The following LRMDA variants were observed in gnomAD, a reference collection of about 807,000 sequenced individuals.
The protein encoded by LRMDA is leucine-rich melanocyte differentiation-associated protein.
Under a neutral mutation model 29.8 loss-of-function variants are expected in LRMDA, and 18 were observed. The ratio of observed to expected loss-of-function variants is 0.60; its 90% CI spans 0.42 to 0.90. The LOEUF (loss-of-function observed/expected upper bound fraction) is 0.90. Ranked by LOEUF, LRMDA falls within the 40% of genes least tolerant of loss-of-function variation. LRMDA has a pLI of 0.00. For missense variants in LRMDA, 273 were observed against 273.9 expected (o/e 1.00, Z 0.02); for synonymous variants, 125 against 109.4 (o/e 1.14, Z -0.89).
chr10:75,882,160 TGAAG>T (rs1845305199), intron 2 of LRMDA, among the ~76,000 whole-genome samples: 1 of 152,154 alleles, frequency 6.6e-6, no homozygotes, highest in South Asian at 2.1e-4. Context: ...GAGTGGTTGT[TGAAG>T]GAAGACGGGC....
chr10:76,472,219 G>A (rs1201688109), intron 6 of LRMDA, among the ~76,000 whole-genome samples: 2 of 151,766 alleles, frequency 1.3e-5, no homozygotes, highest in African/African-American at 4.8e-5. Flanking sequence ...CATGCAGAGT[G>A]TGTTCTCTGA....
chr10:76,005,753 A>C (rs2132473492), intron 2 of LRMDA, among the ~76,000 whole-genome samples: 1 of 152,222 alleles, frequency 6.6e-6, no homozygotes, highest in African/African-American at 2.4e-5. Flanking sequence ...ACACAGTGAA[A>C]CCCAGTCTCT....
intron 2 of LRMDA, among the ~76,000 whole-genome samples, chr10:75,536,594 C>A (rs985675895): frequency 6.6e-6 from 1 of 152,158 alleles, no homozygotes; most frequent in Non-Finnish European, 1.5e-5. Flanking sequence ...GATGGAGCCT[C>A]ACTCTGCTGC....
At chr10:76,084,864 T>C (rs1435498124) in intron 5 of LRMDA, among the ~76,000 whole-genome samples, 2 of 152,122 alleles carry the variant, frequency 1.3e-5, no homozygotes, top group Admixed American at 1.3e-4. Context: ...ATAGCAGGGG[T>C]GGGACTACAA....
At chr10:75,455,090 GA>G (rs1844500200) in intron 2 of LRMDA, among the ~76,000 whole-genome samples, 1 of 152,186 alleles carries the variant, frequency 6.6e-6, no homozygotes, top group South Asian at 2.1e-4. Context: ...GGTACAACGG[GA>G]CCCCTCCTTG....
intron 2 of LRMDA, among the ~76,000 whole-genome samples, chr10:75,773,786 C>G (rs1843274133): frequency 1.3e-5 from 2 of 152,234 alleles, no homozygotes; most frequent in South Asian, 4.1e-4. Flanking sequence ...ATTCTAGCTC[C>G]TAATGGAGCT....
At chr10:75,982,544 G>T (rs541996427) in intron 2 of LRMDA, among the ~76,000 whole-genome samples, 6 of 152,268 alleles carry the variant, frequency 3.9e-5, no homozygotes, top group East Asian at 3.9e-4. Flanking sequence ...TCTGTGAATT[G>T]GTTGGGTGGC....
intron 2 of LRMDA, among the ~76,000 whole-genome samples, chr10:75,526,293 A>G (rs1354859156): frequency 6.6e-6 from 1 of 151,934 alleles, no homozygotes; most frequent in African/African-American, 2.4e-5. Context: ...TCAAACTCCT[A>G]GCCTCCAGCA....
intron 5 of LRMDA, among the ~76,000 whole-genome samples, chr10:76,073,070 T>C (rs1848900075): frequency 6.6e-6 from 1 of 152,222 alleles, no homozygotes; most frequent in Non-Finnish European, 1.5e-5. Flanking sequence ...CTGAATTCCC[T>C]AAAATGGAAG....
intron 2 of LRMDA, among the ~76,000 whole-genome samples, chr10:75,790,153 A>C (rs1037677369): frequency 6.6e-6 from 1 of 152,118 alleles, no homozygotes. Context: ...TTGGCTGGAT[A>C]ATTCTGTGTT....
intron 5 of LRMDA, among the ~76,000 whole-genome samples, chr10:76,073,129 A>C (rs1428938638): frequency 2.6e-5 from 4 of 152,220 alleles, no homozygotes; most frequent in Admixed American, 1.3e-4. Flanking sequence ...GCACAGACAT[A>C]TGTGTGGTTA....
At chr10:75,801,885 A>G (rs1843749366) in intron 2 of LRMDA, among the ~76,000 whole-genome samples, 2 of 152,208 alleles carry the variant, frequency 1.3e-5, no homozygotes. Context: ...ATGATGATTG[A>G]TCTGGGTCAA....
intron 6 of LRMDA, among the ~76,000 whole-genome samples, chr10:76,343,205 T>C (rs1841062665): frequency 6.6e-6 from 1 of 152,196 alleles, no homozygotes; most frequent in Non-Finnish European, 1.5e-5. Context: ...ACTTTACTCT[T>C]ACAGAAGTAT....
At chr10:76,083,335 G>A (rs73281592) in intron 5 of LRMDA, among the ~76,000 whole-genome samples, 46 of 152,166 alleles carry the variant, frequency 3.0e-4, no homozygotes, top group African/African-American at 1.0e-3. Context: ...GGCCCATCTC[G>A]TCCCAGAACC....
intron 2 of LRMDA, among the ~76,000 whole-genome samples, chr10:76,013,387 G>C (rs1847820042): frequency 6.6e-6 from 1 of 151,872 alleles, no homozygotes; most frequent in East Asian, 1.9e-4. Flanking sequence ...TGGGGCTTCT[G>C]ATGGTAGACT....
chr10:76,401,301 A>C (rs1458177697), intron 6 of LRMDA, among the ~76,000 whole-genome samples: 1 of 152,138 alleles, frequency 6.6e-6, no homozygotes, highest in Admixed American at 6.5e-5. Flanking sequence ...GGTTTGTGGA[A>C]CTATTCGTTT....
chr10:75,973,703 A>C (rs1158935691), intron 2 of LRMDA, among the ~76,000 whole-genome samples: 1 of 152,154 alleles, frequency 6.6e-6, no homozygotes, highest in East Asian at 1.9e-4. Context: ...TACAGGTGTG[A>C]GCCATCATGC....
intron 2 of LRMDA, among the ~76,000 whole-genome samples, chr10:75,654,060 G>T (rs1841636450): frequency 6.7e-6 from 1 of 148,474 alleles, no homozygotes; most frequent in South Asian, 2.1e-4. Flanking sequence ...TCGTGATCAG[G>T]CACTGCCCCT....
intron 6 of LRMDA, among the ~76,000 whole-genome samples, chr10:76,536,686 A>G (rs1843294602): frequency 6.6e-6 from 1 of 152,134 alleles, no homozygotes; most frequent in Non-Finnish European, 1.5e-5. Context: ...TTACTGCATC[A>G]TGTTATGAGG....
Sources: gnomAD v4.1 joint callset for allele counts (sites outside exome capture counted in the v4.1 genomes callset) on GRCh38, gnomAD v4.1.1 for gene constraint, MANE v1.5 for transcripts, NCBI Gene and HGNC (gene_info 2026-07-23, HGNC 2026-07-21) for gene names.